Variants in CILK1 observed in about 807,000 individuals in gnomAD.
CILK1 encodes ciliogenesis associated kinase 1.
Under a neutral mutation model 79.2 loss-of-function variants are expected in CILK1, and 47 were observed. The observed-to-expected ratio is 0.59, with a 90% CI of 0.47 to 0.76. The LOEUF is 0.76. Ranked by LOEUF, CILK1 falls within the 30% of genes least tolerant of loss-of-function variation. The probability of loss-of-function intolerance (pLI) is 0.00; values close to 1 mark genes in which losing one functional copy is unlikely to be tolerated. For synonymous variants in CILK1, 266 were observed against 275.9 expected, an observed-to-expected ratio of 0.96 and a Z score of 0.36; for missense variants, 660 against 769.5, an observed-to-expected ratio of 0.86 and a Z score of 1.68.
At chr6:53,028,534 T>C (rs1259862056) in intron 5 of CILK1, among the ~76,000 whole-genome samples, 1 of 152,224 alleles carries the variant, frequency 6.6e-6, no homozygotes, top group Non-Finnish European at 1.5e-5. Context: ...ATAACACCTA[T>C]TCGTTCTACC....
At chr6:53,053,217 G>A (rs1767610433) in intron 1 of CILK1, among the ~76,000 whole-genome samples, 1 of 152,058 alleles carries the variant, frequency 6.6e-6, no homozygotes, top group African/African-American at 2.4e-5. Context: ...TCAGCTTCTG[G>A]TACAGATAGT....
chr6:53,014,765 T>A (rs1042425606), intron 8 of CILK1, among the ~76,000 whole-genome samples: 2 of 152,242 alleles, frequency 1.3e-5, no homozygotes, highest in Non-Finnish European at 2.9e-5. Context: ...TTGAAAGCCT[T>A]CTCTGTAGTC....
At chr6:53,030,952 C>T in intron 5 of CILK1, 113 bp downstream of exon 5, 1 of 752,774 alleles carries the variant, frequency 1.3e-6, no homozygotes, top group South Asian at 1.4e-5. Context: ...AGCCTCTCAA[C>T]TCTTCAACCT....
At chr6:53,056,467 C>T (rs911664396) in intron 1 of CILK1, among the ~76,000 whole-genome samples, 16 of 152,024 alleles carry the variant, frequency 1.1e-4, no homozygotes, top group African/African-American at 3.9e-4. Context: ...TGTTCCAGTA[C>T]AAATTTATTT....
chr6:53,018,037 C>T (rs1764993988), intron 7 of CILK1, among the ~76,000 whole-genome samples: 1 of 152,122 alleles, frequency 6.6e-6, no homozygotes, highest in Non-Finnish European at 1.5e-5. Context: ...ATTCAGGAGA[C>T]TTCTGAACAG....
intron 5 of CILK1, among the ~76,000 whole-genome samples, chr6:53,026,232 T>A (rs1765566056): frequency 6.6e-6 from 1 of 152,200 alleles, no homozygotes; most frequent in African/African-American, 2.4e-5. Context: ...TGGTGCCATC[T>A]CGGCTCACTG....
intron 5 of CILK1, 127 bp downstream of exon 5, chr6:53,030,938 T>C: frequency 1.4e-6 from 1 of 701,358 alleles, no homozygotes; most frequent in Non-Finnish European, 2.6e-6. Flanking sequence ...TAAAATCCAT[T>C]GTCAGCCTCT....
rs1043494128 is a variant in CILK1, at chr6:53,001,777, G to T, written c.*3372C>A. The T allele has an allele frequency of 1.3e-5, 2 of 152,632 alleles. No individual in the cohort carries two copies. Among genetic ancestry groups the T allele is most frequent in the African/African-American group, 4.8e-5 (2 of 41,442 alleles). The allele number at this position is 152,632 out of a possible 1,614,324, so 9.5% of individuals were successfully genotyped here. A position where few individuals can be genotyped will look rare whatever the true frequency, so the allele number is the denominator to read the frequency against. ...TATGTTGCTACAGTATGGTTTAAATGATATAAAATAATTAGTATGTCAAAC... is the reference window on the plus strand; with the variant it reads ...TATGTTGCTACAGTATGGTTTAAATTATATAAAATAATTAGTATGTCAAAC... On this transcript the variant is annotated 3_prime_UTR_variant, in exon 14 of 14. Coordinates refer to ENST00000676107, the MANE Select transcript of CILK1 (RefSeq NM_014920.5).
At chr6:53,042,327 G>A (rs1225770247) in intron 1 of CILK1, among the ~76,000 whole-genome samples, 1 of 152,196 alleles carries the variant, frequency 6.6e-6, no homozygotes, top group Non-Finnish European at 1.5e-5. Flanking sequence ...GGCAAACACT[G>A]AGAGATAACT....
At chr6:53,056,994 T>TC (rs1328972468) in intron 1 of CILK1, among the ~76,000 whole-genome samples, 1 of 152,212 alleles carries the variant, frequency 6.6e-6, no homozygotes, top group East Asian at 1.9e-4. Context: ...AAGGCATGTA[T>TC]ATCTTACATT....
intron 4 of CILK1, among the ~76,000 whole-genome samples, chr6:53,032,034 T>C (rs1766000690): frequency 6.6e-6 from 1 of 152,216 alleles, no homozygotes; most frequent in Admixed American, 6.5e-5. Context: ...GGTTTCCCCA[T>C]GTTGATGAGG....
At chr6:53,010,422 G>A (rs541340478) in intron 11 of CILK1, among the ~76,000 whole-genome samples, 1 of 152,232 alleles carries the variant, frequency 6.6e-6, no homozygotes, top group Non-Finnish European at 1.5e-5. Flanking sequence ...CAGCTTGCTG[G>A]CCCCTCCCCT....
Position 53,041,309 on chromosome 6 carries a change from C to T in CILK1, c.-73G>A, listed in dbSNP as rs191194797. ...AGTTCTGCAGTGGTAGCAGTCCTCC[C>T]CAGAGTGTAACCAGATTTTTCGATG... On this transcript the variant is annotated 5_prime_UTR_variant, in exon 2 of 14. Coordinates refer to ENST00000676107, the MANE Select transcript of CILK1 (RefSeq NM_014920.5). 19 of 1,036,386 alleles carry T rather than the reference C, an allele frequency of 1.8e-5. No individual in the cohort carries two copies. Among genetic ancestry groups the T allele is most frequent in the Non-Finnish European group, 2.9e-5 (19 of 663,062 alleles). The allele number at this position is 1,036,386 out of a possible 1,614,324, so 64.2% of individuals were successfully genotyped here. A position where few individuals can be genotyped will look rare whatever the true frequency, so the allele number is the denominator to read the frequency against.
chr6:53,031,243 T>G, intron 4 of CILK1, 99 bp from the exon 5 acceptor site: 1 of 771,470 alleles, frequency 1.3e-6, no homozygotes, highest in Non-Finnish European at 2.3e-6. Flanking sequence ...GGAGCTACCT[T>G]ATAAACACCA....
intron 1 of CILK1, among the ~76,000 whole-genome samples, chr6:53,058,290 G>A (rs138868512): frequency 2.7e-4 from 41 of 152,266 alleles, no homozygotes; most frequent in African/African-American, 9.6e-4. Flanking sequence ...CTTGAGGTAG[G>A]CCTGAGCTGC....
intron 13 of CILK1, among the ~76,000 whole-genome samples, chr6:53,005,941 A>G (rs1764194597): frequency 6.6e-6 from 1 of 152,176 alleles, no homozygotes. Flanking sequence ...AAGCTCAAGC[A>G]CAGAACAATC....
chr6:53,053,112 T>C (rs1034196232), intron 1 of CILK1, among the ~76,000 whole-genome samples: 2 of 152,136 alleles, frequency 1.3e-5, no homozygotes, highest in African/African-American at 4.8e-5. Flanking sequence ...TTGTTCTTTT[T>C]TAGAAGAGAA....
intron 3 of CILK1, among the ~76,000 whole-genome samples, chr6:53,035,794 TTC>T (rs1193487157): frequency 6.6e-6 from 1 of 152,132 alleles, no homozygotes; most frequent in Non-Finnish European, 1.5e-5. Flanking sequence ...TCCCTTCCCC[TTC>T]TGAGTCAGCA....
intron 1 of CILK1, among the ~76,000 whole-genome samples, chr6:53,052,938 AT>A (rs757162225): frequency 1.8e-3 from 248 of 135,664 alleles, no homozygotes; most frequent in African/African-American, 1.8e-3. Flanking sequence ...GCCACTTGCC[AT>A]TTTTTTTTTT....
Sources: allele counts gnomAD v4.1 joint callset (sites outside exome capture counted in the v4.1 genomes callset), GRCh38; gene constraint gnomAD v4.1.1; transcripts MANE v1.5; gene names NCBI Gene and HGNC (gene_info 2026-07-23, HGNC 2026-07-21).